The following CYSTM1 variants were observed in gnomAD, a reference collection of about 807,000 sequenced individuals.
CYSTM1 encodes the protein cysteine-rich transmembrane module-containing protein 1.
CYSTM1 carries 4 observed loss-of-function variants against 13.1 expected under a neutral mutation model. That is an observed-to-expected ratio of 0.31 (90% confidence interval 0.15 to 0.70). The LOEUF (loss-of-function observed/expected upper bound fraction) is 0.70. CYSTM1 is among the 30% of genes least tolerant of loss of function. CYSTM1 has a pLI of 0.72. For synonymous variants in CYSTM1, 36 were observed against 42.7 expected, an observed-to-expected ratio of 0.84 and a Z score of 0.62; for missense variants, 96 against 121.6, an observed-to-expected ratio of 0.79 and a Z score of 0.99.
At chr5:140,214,221 G>A (rs1001684844) in intron 2 of CYSTM1, among the ~76,000 whole-genome samples, 1 of 152,226 alleles carries the variant, frequency 6.6e-6, no homozygotes, top group Non-Finnish European at 1.5e-5. Context: ...GGATCTGAGT[G>A]TCATGTGATG....
In CYSTM1 at chr5:140,210,840, T is replaced by C. The variant is rs767899954; in HGVS notation, c.187+16188T>C. ...ATTAAAATTTTAAGTGAGCCATTGC[T>C]TTTGAACCCAGTGAAGGAAAAGGTC... On this transcript the variant is annotated intron_variant, in intron 2 of 2. Coordinates refer to ENST00000261811, the MANE Select transcript of CYSTM1 (RefSeq NM_032412.4). 5.9e-4 allele frequency among the ~76,000 whole-genome samples: 90 copies of C among 152,154 alleles called. 2 individuals are homozygous for C. Among genetic ancestry groups the C allele is most frequent in the Admixed American group, 1.3e-4 (2 of 15,270 alleles).
intron 1 of CYSTM1, among the ~76,000 whole-genome samples, chr5:140,191,146 G>A (rs37355): frequency 0.75 from 113,953 of 152,130 alleles, 42,930 homozygotes; most frequent in East Asian, 0.79. Context: ...TCCTGCACAC[G>A]TGCTCTTTCT....
At chr5:140,221,770 A>G (rs1471603824) in intron 2 of CYSTM1, among the ~76,000 whole-genome samples, 1 of 152,214 alleles carries the variant, frequency 6.6e-6, no homozygotes, top group Non-Finnish European at 1.5e-5. Context: ...TTTCTGATGA[A>G]TCACCGTTCT....
At chr5:140,242,269 G>T (rs1415790264) in intron 2 of CYSTM1, among the ~76,000 whole-genome samples, 1 of 152,128 alleles carries the variant, frequency 6.6e-6, no homozygotes, top group Admixed American at 6.5e-5. Flanking sequence ...TACAACGGGA[G>T]GACCTGGAAA....
chr5:140,206,390 G>T (rs987919294), intron 2 of CYSTM1, among the ~76,000 whole-genome samples: 7 of 152,176 alleles, frequency 4.6e-5, no homozygotes, highest in African/African-American at 1.7e-4. Flanking sequence ...ATTTTTGAAT[G>T]TTATATTCAC....
At chr5:140,201,528 A>C (rs1279078134) in intron 2 of CYSTM1, 1 of 152,162 alleles carries the variant, frequency 6.6e-6, no homozygotes, top group Non-Finnish European at 1.5e-5. Flanking sequence ...TCTTCCTTGA[A>C]GCTTTTGCTT....
chr5:140,203,734 G>A (rs529056672), intron 2 of CYSTM1, among the ~76,000 whole-genome samples: 25 of 152,218 alleles, frequency 1.6e-4, no homozygotes, highest in African/African-American at 6.0e-4. Context: ...ATGGAAGAAG[G>A]GGGTTTTTTA....
intron 1 of CYSTM1, among the ~76,000 whole-genome samples, chr5:140,192,812 G>A (rs933037226): frequency 3.3e-5 from 5 of 152,162 alleles, no homozygotes; most frequent in South Asian, 2.1e-4. Context: ...GAGTGACCCC[G>A]ATTGGCTTAG....
At chr5:140,208,731 AT>A (rs747209067) in intron 2 of CYSTM1, among the ~76,000 whole-genome samples, 6 of 152,192 alleles carry the variant, frequency 3.9e-5, no homozygotes, top group Admixed American at 6.5e-5. Context: ...AAATAAAAAA[AT>A]ATTTTTAAAG....
chr5:140,210,326 G>A (rs1240968540), intron 2 of CYSTM1, among the ~76,000 whole-genome samples: 1 of 151,992 alleles, frequency 6.6e-6, no homozygotes, highest in Non-Finnish European at 1.5e-5. Flanking sequence ...TGTTGTGGGG[G>A]CTGTCCTGTG....
chr5:140,216,187 G>A lies in CYSTM1; in HGVS notation c.187+21535G>A, dbSNP rs1374775023. 2.6e-5 allele frequency among the ~76,000 whole-genome samples: 4 copies of A among 152,056 alleles called. No individual in the cohort carries two copies. In the South Asian group the frequency reaches 6.2e-4, roughly 24 times the overall value. Reference sequence around the variant, plus strand: ...ACTTTATATAGTCTGTATATCCTCAGCTGTATCTCAGTCTCTTAGAATATG... The same window carrying A: ...ACTTTATATAGTCTGTATATCCTCAACTGTATCTCAGTCTCTTAGAATATG... On this transcript the variant is annotated intron_variant, in intron 2 of 2. Coordinates refer to ENST00000261811, the MANE Select transcript of CYSTM1 (RefSeq NM_032412.4).
chr5:140,222,876 GTTCTA>G (rs1351623186), intron 2 of CYSTM1, among the ~76,000 whole-genome samples: 2 of 152,170 alleles, frequency 1.3e-5, no homozygotes, highest in Non-Finnish European at 2.9e-5. Context: ...TATTTTCTTT[GTTCTA>G]TTCTAATAGC....
intron 1 of CYSTM1, among the ~76,000 whole-genome samples, chr5:140,182,739 A>AT (rs1360481213): frequency 6.6e-6 from 1 of 151,620 alleles, no homozygotes; most frequent in South Asian, 2.1e-4. Flanking sequence ...ATCATCTAGA[A>AT]TTTTTTTCCC....
chr5:140,194,444 A>AG lies in CYSTM1; in HGVS notation c.-20dup, dbSNP rs1014782400. 8 of 1,547,074 alleles carry AG rather than the reference A, an allele frequency of 5.2e-6. No individual in the cohort carries two copies. In the African/African-American group the frequency reaches 8.4e-5, roughly 16 times the overall value. The stretch of plus-strand genomic sequence containing the variant: ...ATAATTTTCATTCTTTTTGTCTCTT[A>AG]GGTGCACTTTACAGGTCCCCGATGA... On this transcript the variant is annotated splice_acceptor_variant, in intron 1 of 2. Coordinates refer to ENST00000261811, the MANE Select transcript of CYSTM1 (RefSeq NM_032412.4). LOFTEE classifies it low-confidence loss of function (5UTR_SPLICE).
intron 2 of CYSTM1, among the ~76,000 whole-genome samples, chr5:140,203,890 G>A (rs767002986): frequency 2.6e-5 from 4 of 152,124 alleles, no homozygotes; most frequent in Non-Finnish European, 4.4e-5. Flanking sequence ...TTCACTAAGC[G>A]TGAATACAGC....
At chr5:140,177,623 C>T (rs1763906146) in intron 1 of CYSTM1, among the ~76,000 whole-genome samples, 1 of 152,136 alleles carries the variant, frequency 6.6e-6, no homozygotes, top group Admixed American at 6.6e-5. Context: ...CCTGGGGAAA[C>T]GGGACTTCCA....
At chr5:140,209,137 C>T (rs1200632466) in intron 2 of CYSTM1, among the ~76,000 whole-genome samples, 2 of 151,932 alleles carry the variant, frequency 1.3e-5, no homozygotes, top group Admixed American at 6.6e-5. Flanking sequence ...CTACTTGTCA[C>T]GTGATTCAAG....
Position 140,229,123 on chromosome 5 carries a change from G to A in CYSTM1, c.188-14182G>A, listed in dbSNP as rs561418721. ...TTCTGTTGGTTTGTCTTACTGATTT[G>A]TAGAGAATTTCTATATATTCTATCC... On this transcript the variant is annotated intron_variant, in intron 2 of 2. Coordinates refer to ENST00000261811, the MANE Select transcript of CYSTM1 (RefSeq NM_032412.4). Among the ~76,000 whole-genome samples, 337 of 152,078 alleles carry A rather than the reference G, an allele frequency of 2.2e-3. 2 individuals carry two copies. The South Asian group carries it at 0.037, about 17-fold the overall frequency.
chr5:140,231,244 T>A (rs970383720), intron 2 of CYSTM1, among the ~76,000 whole-genome samples: 2 of 152,258 alleles, frequency 1.3e-5, no homozygotes, highest in African/African-American at 2.4e-5. Flanking sequence ...ATTACTTTTT[T>A]AAAATGTTAC....
Sources: allele counts gnomAD v4.1 joint callset (sites outside exome capture counted in the v4.1 genomes callset), GRCh38; gene constraint gnomAD v4.1.1; transcripts MANE v1.5; gene names NCBI Gene and HGNC (gene_info 2026-07-23, HGNC 2026-07-21).